The following CASR variants were observed in gnomAD, a reference collection of about 807,000 sequenced individuals.
The protein encoded by CASR is extracellular calcium-sensing receptor.
In CASR, 23 loss-of-function variants were observed where a neutral mutation model predicts 69.1. The observed-to-expected ratio is 0.33, with a 90% confidence interval of 0.24 to 0.47. CASR has a LOEUF of 0.47. Among genes scored for constraint, CASR ranks in the 20% least tolerant of loss-of-function variants. The pLI, the probability that CASR is intolerant of heterozygous loss-of-function variation, is 1.00. For missense variants in CASR, 924 were observed against 1,356.1 expected, an observed-to-expected ratio of 0.68 and a Z score of 5.00; for synonymous variants, 541 against 544.7, an observed-to-expected ratio of 0.99 and a Z score of 0.10.
chr3:122,276,971 G>A (rs2074829024), intron 5 of CASR, among the ~76,000 whole-genome samples: 1 of 151,712 alleles, frequency 6.6e-6, no homozygotes, highest in African/African-American at 2.4e-5. Context: ...CTCCCAGGAA[G>A]CCTGGATAAG....
intron 1 of CASR, among the ~76,000 whole-genome samples, chr3:122,227,681 C>T (rs538161893): frequency 9.5e-4 from 144 of 152,254 alleles, no homozygotes; most frequent in African/African-American, 3.3e-3. Flanking sequence ...GAGCCAAGGC[C>T]GAGGAGGCAC....
At chr3:122,237,556 T>TA (rs1329388855) in intron 1 of CASR, among the ~76,000 whole-genome samples, 2 of 152,254 alleles carry the variant, frequency 1.3e-5, no homozygotes, top group Non-Finnish European at 2.9e-5. Context: ...AGTGGAATAT[T>TA]ATACCGCAGT....
At chr3:122,260,031 G>A (rs2074601562) in intron 3 of CASR, among the ~76,000 whole-genome samples, 1 of 152,184 alleles carries the variant, frequency 6.6e-6, no homozygotes, top group South Asian at 2.1e-4. Context: ...AATTCCATTT[G>A]TGTAAAAATG....
chr3:122,205,443 T>G (rs2073997426), intron 1 of CASR, among the ~76,000 whole-genome samples: 1 of 152,114 alleles, frequency 6.6e-6, no homozygotes, highest in African/African-American at 2.4e-5. Context: ...TACATGTCTG[T>G]TTTTTTATGC....
At chr3:122,252,425 G>GAAAGAA (rs1553765673) in intron 1 of CASR, among the ~76,000 whole-genome samples, 1 of 59,636 alleles carries the variant, frequency 1.7e-5, no homozygotes, top group Non-Finnish European at 3.3e-5. Flanking sequence ...AAGAAAGAAA[G>GAAAGAA]AAAGAAAGAA....
At position 122,259,628 on chromosome 3, in the gene CASR, AT is replaced by A. The variant is rs11414721; in HGVS notation, c.493-1881del. ...ATCAATAAGAAGAAACACATTGGAAATTTTTTTTTTTTTTTTTTTGAGATGG... is the reference window on the plus strand; with the variant it reads ...ATCAATAAGAAGAAACACATTGGAAATTTTTTTTTTTTTTTTTTGAGATGG... On this transcript the variant is annotated intron_variant, in intron 3 of 6. Transcript: ENST00000639785. 2.4e-3 allele frequency among the ~76,000 whole-genome samples: 297 copies of A among 122,228 alleles called. 3 individuals carry two copies. The highest frequency in any genetic ancestry group is 3.4e-3 in the Non-Finnish European group (207 of 61,048). 80.2% of individuals were successfully genotyped at this position (122,228 alleles called of 152,430 possible). A position where few individuals can be genotyped will look rare whatever the true frequency, so the allele number is the denominator to read the frequency against.
chr3:122,201,843 T>G (rs1262137816), intron 1 of CASR, among the ~76,000 whole-genome samples: 5 of 151,286 alleles, frequency 3.3e-5, no homozygotes, highest in Admixed American at 6.6e-5. Flanking sequence ...GAGACGCTCC[T>G]CACTTCCTAG....
intron 3 of CASR, chr3:122,257,679 T>G: frequency 3.3e-6 from 1 of 306,524 alleles, no homozygotes; most frequent in Non-Finnish European, 6.1e-6. Flanking sequence ...TCTATTCCTT[T>G]AGTAAATTTT....
intron 1 of CASR, among the ~76,000 whole-genome samples, chr3:122,211,240 G>T (rs2107595428): frequency 6.6e-6 from 1 of 152,244 alleles, no homozygotes; most frequent in Non-Finnish European, 1.5e-5. Context: ...TGACAAATGG[G>T]ATCTAATTAA....
At chr3:122,279,513 AG>A (rs765073602) in intron 5 of CASR, among the ~76,000 whole-genome samples, 59 of 152,352 alleles carry the variant, frequency 3.9e-4, no homozygotes, top group Non-Finnish European at 7.4e-4. Flanking sequence ...ATCATCTGCT[AG>A]TAGAGTTAGT....
intron 1 of CASR, among the ~76,000 whole-genome samples, chr3:122,234,057 C>T (rs2074304745): frequency 6.6e-6 from 1 of 152,214 alleles, no homozygotes; most frequent in African/African-American, 2.4e-5. Context: ...GAAGTCAGCT[C>T]CTTTCAACTT....
At chr3:122,214,736 G>A (rs1329105945) in intron 1 of CASR, among the ~76,000 whole-genome samples, 1 of 152,164 alleles carries the variant, frequency 6.6e-6, no homozygotes, top group Non-Finnish European at 1.5e-5. Context: ...GGCTGCTAAG[G>A]AGTCCTTGGA....
chr3:122,273,008 T>G (rs2074776882), intron 4 of CASR, among the ~76,000 whole-genome samples: 2 of 152,162 alleles, frequency 1.3e-5, no homozygotes, highest in Non-Finnish European at 1.5e-5. Flanking sequence ...TCTTGTGCAG[T>G]TCCCCTCCCC....
intron 4 of CASR, among the ~76,000 whole-genome samples, chr3:122,272,091 GCACACACACACACACA>G (rs35249463): frequency 3.4e-4 from 51 of 148,928 alleles, no homozygotes; most frequent in African/African-American, 1.2e-3. Flanking sequence ...TCCTAGGAAT[GCACACACACACACACA>G]CACACACACA....
rs1559954230 is a variant in CASR at position 122,252,407 on chromosome 3, GAA to G, written c.-242-1537_-242-1536del. 6.9e-4 allele frequency among the ~76,000 whole-genome samples: 3 copies of G among 4,318 alleles called. No homozygotes were observed. In the South Asian group the frequency reaches 0.015, roughly 21 times the overall value. The allele number at this position is 4,318 out of a possible 152,430, so 2.8% of individuals were successfully genotyped here. On this transcript the variant is annotated intron_variant, in intron 1 of 6. Coordinates refer to ENST00000639785, the MANE Select transcript of CASR (RefSeq NM_000388.4). ...GGAAGGAAGGAAGGAAGGAAGGAAG[GAA>G]AAAGAAAGAAAGAAAGAAAGAAAGA... is the stretch of plus-strand genomic sequence containing the variant.
intron 1 of CASR, among the ~76,000 whole-genome samples, chr3:122,233,183 G>A (rs184757273): frequency 4.6e-5 from 7 of 152,196 alleles, no homozygotes; most frequent in Admixed American, 6.5e-5. Context: ...TCCTTAAACC[G>A]TCCCCAAAAT....
Position 122,284,745 on chromosome 3 carries a change from AAGC to A in CASR, c.2801_2803del (p.Gln934del). The A allele has an allele frequency of 2.5e-6, 4 of 1,614,146 alleles. No homozygotes were observed. On this transcript the variant is annotated inframe_deletion, in exon 7 of 7. Coordinates refer to ENST00000639785, the MANE Select transcript of CASR (RefSeq NM_000388.4). Reference sequence around the variant, plus strand: ...CCCATTCCCACAGCCCGAGAGGCAGAAGCAGCAGCAGCCGCTGGCCCTAACCCA... The same window carrying A: ...CCCATTCCCACAGCCCGAGAGGCAGAAGCAGCAGCCGCTGGCCCTAACCCA...
At chr3:122,199,437 A>G (rs996873111) in intron 1 of CASR, among the ~76,000 whole-genome samples, 2 of 152,220 alleles carry the variant, frequency 1.3e-5, no homozygotes, top group African/African-American at 4.8e-5. Flanking sequence ...TTGTATTTGC[A>G]GTGGTGTTTA....
intron 4 of CASR, among the ~76,000 whole-genome samples, chr3:122,271,722 A>G (rs563866904): frequency 8.5e-5 from 13 of 152,318 alleles, no homozygotes; most frequent in African/African-American, 3.1e-4. Context: ...TCACCACATC[A>G]AAAAGCAACC....
Sources: gnomAD v4.1 joint callset for allele counts (sites outside exome capture counted in the v4.1 genomes callset) on GRCh38, gnomAD v4.1.1 for gene constraint, MANE v1.5 for transcripts, NCBI Gene and HGNC (gene_info 2026-07-23, HGNC 2026-07-21) for gene names.